PGBD2: variants seen among roughly 807,000 people sequenced by gnomAD.
The protein encoded by PGBD2 is piggyBac transposable element-derived protein 2.
PGBD2 carries 6 observed loss-of-function variants against 8.1 expected under a neutral mutation model. The observed-to-expected ratio is 0.74, with a 90% confidence interval of 0.40 to 1.46. The LOEUF (loss-of-function observed/expected upper bound fraction) is 1.46, where lower values mean the gene tolerates loss of function less well. Ranked by LOEUF, PGBD2 falls within the 40% of genes most tolerant of loss-of-function variation. The pLI is 0.02. For missense variants in PGBD2, 802 were observed against 739.0 expected, an observed-to-expected ratio of 1.09 and a Z score of -0.99; for synonymous variants, 318 against 272.2, an observed-to-expected ratio of 1.17 and a Z score of -1.66.
the PGBD2 span, among the ~76,000 whole-genome samples, chr1:248,898,178 T>G: frequency 6.6e-6 from 1 of 152,170 alleles, no homozygotes; most frequent in African/African-American, 2.4e-5. Context: ...GTCTGGGCAG[T>G]CCAGATGACA....
the PGBD2 span, among the ~76,000 whole-genome samples, chr1:248,879,454 G>A: frequency 6.6e-6 from 1 of 152,126 alleles, no homozygotes; most frequent in South Asian, 2.1e-4. Context: ...GAGTGTAGTG[G>A]CGTGATCTCA....
In PGBD2 at chr1:248,917,517, C is replaced by T. The variant is rs199580054; in HGVS notation, c.933C>T (p.Pro311=). The change falls in exon 3 of 3, where the codon CCC becomes CCT. Residue 311 remains proline (P), a synonymous_variant. Coordinates refer to ENST00000329291, the MANE Select transcript of PGBD2 (RefSeq NM_170725.3). ...GAGGCTACTTGGTGTGGTTTGAGCC[C>T]TCACAGGGCACACTGTTTACCAAGC... ...TSRGYLVWFE[P]SQGTLFTKPD... 1.2e-6 allele frequency: 2 copies of T among 1,614,124 alleles called. No individual in the cohort carries two copies. The highest frequency in any genetic ancestry group is 1.7e-5 in the Admixed American group (1 of 60,024).
At chr1:248,907,600 T>C (rs919664845) in intron 1 of PGBD2, among the ~76,000 whole-genome samples, 7 of 152,222 alleles carry the variant, frequency 4.6e-5, no homozygotes, top group East Asian at 1.9e-4. Flanking sequence ...CTGTGGCTTT[T>C]CATGGTGCAT....
intron 1 of PGBD2, 122 bp from the exon 2 acceptor site, chr1:248,913,694 G>C: frequency 1.5e-6 from 1 of 658,440 alleles, no homozygotes. Flanking sequence ...AGTCGACCCA[G>C]ACACTATTAA....
the PGBD2 span, among the ~76,000 whole-genome samples, chr1:248,895,680 A>G: frequency 2.6e-5 from 4 of 151,696 alleles, no homozygotes; most frequent in African/African-American, 9.7e-5. Context: ...TACCCAATGT[A>G]TAGATTTTTT....
At chr1:248,885,954 C>G in the PGBD2 span, among the ~76,000 whole-genome samples, 1 of 152,056 alleles carries the variant, frequency 6.6e-6, no homozygotes, top group Non-Finnish European at 1.5e-5. Context: ...CTTCCTTCTA[C>G]AAAGTGAACT....
the PGBD2 span, among the ~76,000 whole-genome samples, chr1:248,885,117 G>T: frequency 1.3e-5 from 2 of 151,930 alleles, no homozygotes; most frequent in African/African-American, 4.8e-5. Context: ...TCTGTCATTG[G>T]AGGACTTAGG....
At chr1:248,906,391 G>A (rs943054696) in intron 1 of PGBD2, 49 bp downstream of exon 1, 1 of 152,134 alleles carries the variant, frequency 6.6e-6, no homozygotes, top group Non-Finnish European at 1.5e-5. Context: ...CTTGAGTACA[G>A]GAGTGGTTGG....
the PGBD2 span, among the ~76,000 whole-genome samples, chr1:248,926,348 A>C: frequency 1.3e-5 from 2 of 152,178 alleles, no homozygotes; most frequent in African/African-American, 4.8e-5. Flanking sequence ...TGTAAAGGCT[A>C]TTAAAACATA....
intron 2 of PGBD2, chr1:248,914,696 C>G (rs1232224207): frequency 1.1e-6 from 1 of 950,554 alleles, no homozygotes; most frequent in African/African-American, 1.7e-5. Flanking sequence ...ATGCTGAGTC[C>G]ATTCTCATAG....
chr1:248,882,895 G>A, the PGBD2 span, among the ~76,000 whole-genome samples: 4 of 152,172 alleles, frequency 2.6e-5, no homozygotes, highest in East Asian at 1.9e-4. Context: ...CTTTTATTCC[G>A]TAGCAATAGT....
Position 248,917,113 on chromosome 1 carries a change from C to T in PGBD2, c.529C>T (p.Gln177Ter). The change falls in exon 3 of 3, where the codon CAG becomes TAG. Residue 177 changes from glutamine to a stop codon, truncating the protein, a stop_gained. Coordinates refer to ENST00000329291, the MANE Select transcript of PGBD2 (RefSeq NM_170725.3). LOFTEE classifies it low-confidence loss of function (END_TRUNC). ...AAATGTCAATTTGAGTCTTACGGCT[C>T]AGGAATTGAAGTGTGTTTTGGGCAT... ...QKNVNLSLTA[Q>*]ELKCVLGILI... The T allele has an allele frequency of 6.2e-7, 1 of 1,613,986 alleles. No homozygotes were observed. Among genetic ancestry groups the T allele is most frequent in the Non-Finnish European group, 8.5e-7 (1 of 1,180,010 alleles).
chr1:248,894,289 G>GT, the PGBD2 span, among the ~76,000 whole-genome samples: 30 of 151,002 alleles, frequency 2.0e-4, no homozygotes, highest in East Asian at 3.7e-3. Context: ...TTTTTTTGTG[G>GT]TTTTTTTTGC....
the PGBD2 span, among the ~76,000 whole-genome samples, chr1:248,897,276 G>A: frequency 1.4e-3 from 176 of 129,258 alleles, no homozygotes; most frequent in Non-Finnish European, 1.9e-3. Context: ...AAAGTTCTAA[G>A]TTGCTAGCCG....
intron 1 of PGBD2, among the ~76,000 whole-genome samples, chr1:248,909,867 A>G (rs1239847662): frequency 6.6e-6 from 1 of 152,210 alleles, no homozygotes. Context: ...CTGAACCTAG[A>G]GGCAGAACTG....
chr1:248,889,680 C>T, the PGBD2 span, among the ~76,000 whole-genome samples: 2 of 152,126 alleles, frequency 1.3e-5, no homozygotes, highest in African/African-American at 4.8e-5. Flanking sequence ...TCTTAGGTAA[C>T]TGCCAAACTT....
chr1:248,890,088 C>T, the PGBD2 span, among the ~76,000 whole-genome samples: 2 of 151,958 alleles, frequency 1.3e-5, no homozygotes, highest in African/African-American at 4.8e-5. Context: ...CCACCACGCC[C>T]AGCTAATTTT....
At chr1:248,913,070 G>A (rs1304031954) in intron 1 of PGBD2, among the ~76,000 whole-genome samples, 4 of 152,038 alleles carry the variant, frequency 2.6e-5, no homozygotes, top group African/African-American at 9.7e-5. Flanking sequence ...CCAAAGTGCT[G>A]GGATTACAGG....
intron 1 of PGBD2, among the ~76,000 whole-genome samples, chr1:248,911,740 G>T (rs866489590): frequency 6.3e-4 from 94 of 149,706 alleles, no homozygotes; most frequent in African/African-American, 2.3e-3. Context: ...GGCTGGCCGG[G>T]CGGGGGGCTG....
Sources: gnomAD v4.1 joint callset for allele counts (sites outside exome capture counted in the v4.1 genomes callset) on GRCh38, gnomAD v4.1.1 for gene constraint, MANE v1.5 for transcripts, NCBI Gene and HGNC (gene_info 2026-07-23, HGNC 2026-07-21) for gene names.